TYMS: variants seen among roughly 807,000 people sequenced by gnomAD.
TYMS encodes thymidylate synthase.
A neutral mutation model predicts 39.3 loss-of-function variants in TYMS; 21 were observed. That is an observed-to-expected ratio of 0.54 (90% CI 0.38 to 0.77). TYMS has a LOEUF of 0.77. Ranked by LOEUF, TYMS falls within the 30% of genes least tolerant of loss-of-function variation. The pLI is 0.00. For missense variants in TYMS, 273 were observed against 406.7 expected (o/e 0.67, Z 2.83); for synonymous variants, 171 against 162.2 (o/e 1.05, Z -0.41).
intron 4 of TYMS, chr18:669,601 A>C (rs2074945962): frequency 6.3e-6 from 1 of 159,618 alleles, no homozygotes; most frequent in Non-Finnish European, 1.4e-5. Flanking sequence ...TGAACTCCTG[A>C]CCTCAGATGA....
intron 3 of TYMS, among the ~76,000 whole-genome samples, chr18:667,436 TGATGGTGATGGTGATGGTGATGATGGA>T (rs1567990595): frequency 3.6e-3 from 4 of 1,116 alleles, no homozygotes; most frequent in East Asian, 0.059. Flanking sequence ...ATGGAGATGG[TGATGGTGATGGTGATGGTGATGATGGA>T]GATGGTGATG....
In TYMS at chr18:666,888, G is replaced by GGGAGATGGTGAT. The variant is rs138881427; in HGVS notation, c.455-2169_455-2158dup. ...TTTGTTAGGGATGACGAAAAAGTTC[G>GGGAGATGGTGAT]GGAGATGGTGATGGAGATGGTGATG... On this transcript the variant is annotated intron_variant, in intron 3 of 6. Transcript: ENST00000323274. Among the ~76,000 whole-genome samples, 6 of 91,022 alleles carry GGGAGATGGTGAT rather than the reference G, an allele frequency of 6.6e-5. 2 individuals are homozygous for GGGAGATGGTGAT. Among genetic ancestry groups the GGGAGATGGTGAT allele is most frequent in the East Asian group, 4.6e-4 (1 of 2,164 alleles). 59.7% of individuals were successfully genotyped at this position (91,022 alleles called of 152,430 possible).
chr18:657,658 GCCTGCCTCCGTCCCGCCGCGCC>G lies in TYMS; in HGVS notation c.-84_-63del. The G allele has an allele frequency of 3.0e-6, 1 of 333,028 alleles. No homozygotes were observed. Among genetic ancestry groups the G allele is most frequent in the Non-Finnish European group, 4.2e-6 (1 of 239,960 alleles). 20.6% of individuals were successfully genotyped at this position (333,028 alleles called of 1,614,324 possible). A position where few individuals can be genotyped will look rare whatever the true frequency, so the allele number is the denominator to read the frequency against. On this transcript the variant is annotated 5_prime_UTR_variant, in exon 1 of 7. Transcript: ENST00000323274. ...AGGGGTCCTGCCACCGCGCCACTTGGCCTGCCTCCGTCCCGCCGCGCCACTTGGCCTGCCTCCGTCCCGCCGC... is the reference window on the plus strand; with the variant it reads ...AGGGGTCCTGCCACCGCGCCACTTGGACTTGGCCTGCCTCCGTCCCGCCGC...
At chr18:671,188 G>A (rs2075029696) in intron 5 of TYMS, 192 bp from the exon 6 acceptor site, 1 of 616,474 alleles carries the variant, frequency 1.6e-6, no homozygotes, top group African/African-American at 1.8e-5. Context: ...AGGAGCAATT[G>A]CTTGAGGTCT....
At position 657,713 on chromosome 18, in the gene TYMS, C is replaced by T. The variant is rs868743562; in HGVS notation, c.-30C>T. 1.3e-5 allele frequency: 17 copies of T among 1,311,632 alleles called. No homozygotes were observed. The highest frequency in any genetic ancestry group is 1.7e-5 in the African/African-American group (1 of 59,696). 81.2% of individuals were successfully genotyped at this position (1,311,632 alleles called of 1,614,324 possible). On this transcript the variant is annotated 5_prime_UTR_variant, in exon 1 of 7. Coordinates refer to ENST00000323274, the MANE Select transcript of TYMS (RefSeq NM_001071.4). The stretch of plus-strand genomic sequence containing the variant: ...CTGCCTCCGTCCCGCCGCGCCACTT[C>T]GCCTGCCTCCGTCCCCCGCCCGCCG...
At chr18:671,260 C>A in intron 5 of TYMS, 120 bp from the exon 6 acceptor site, 2 of 759,010 alleles carry the variant, frequency 2.6e-6, no homozygotes, top group Non-Finnish European at 4.6e-6. Flanking sequence ...AATGGAAAAG[C>A]TACACTAAAT....
At chr18:666,932 GT>G (rs1167387699) in intron 3 of TYMS, among the ~76,000 whole-genome samples, 3 of 59,574 alleles carry the variant, frequency 5.0e-5, no homozygotes, top group Non-Finnish European at 1.1e-4. Context: ...GATGGTGATG[GT>G]GATGGAGATG....
At position 672,915 on chromosome 18, in the gene TYMS, A is replaced by C. The variant is rs1328401362; in HGVS notation, c.860A>C (p.Lys287Thr). 16 of 1,599,178 alleles carry C rather than the reference A, an allele frequency of 1.0e-5. No individual in the cohort carries two copies. Among genetic ancestry groups the C allele is most frequent in the Non-Finnish European group, 1.4e-5 (16 of 1,168,370 alleles). Residue 287 changes from lysine (K) to threonine (T), a missense_variant, in exon 7 of 7, where the codon AAA becomes ACA. This residue lies in a region of TYMS where 35 missense variants were observed against 42.4 expected (regional missense o/e 0.83). Transcript: ENST00000323274. Reference protein sequence around the residue: ...PKLRILRKVEKIDDFKAEDFQ... With the variant: ...PKLRILRKVETIDDFKAEDFQ... ...CTCAGGATTCTTCGAAAAGTTGAGAAAATTGATGACTTCAAAGCTGAAGAC... is the reference window on the plus strand; with the variant it reads ...CTCAGGATTCTTCGAAAAGTTGAGACAATTGATGACTTCAAAGCTGAAGAC...
chr18:672,984 A>T lies in TYMS; in HGVS notation c.929A>T (p.Glu310Val), dbSNP rs763389486. The change falls in exon 7 of 7, where the codon GAA (glutamate) becomes GTA (valine). Residue 310 changes from glutamate (E) to valine (V), a missense_variant. Glu to Val is a moderately radical substitution (Grantham distance 121, BLOSUM62 -2). Transcript: ENST00000323274. ...GYNPHPTIKM[E>V]MAV ...AATCCGCATCCAACTATTAAAATGG[A>T]AATGGCTGTTTAGGGTGCTTTCAAA... 1.3e-6 allele frequency: 2 copies of T among 1,568,876 alleles called. No homozygotes were observed. The highest frequency in any genetic ancestry group is 1.7e-6 in the Non-Finnish European group (2 of 1,145,516).
intron 3 of TYMS, among the ~76,000 whole-genome samples, chr18:662,705 C>T (rs1473068560): frequency 6.6e-6 from 1 of 151,688 alleles, no homozygotes; most frequent in African/African-American, 2.4e-5. Flanking sequence ...TGATGTTCCC[C>T]TTCCTGTGTC....
chr18:668,524 C>T (rs1051391759), intron 3 of TYMS, among the ~76,000 whole-genome samples: 4 of 152,228 alleles, frequency 2.6e-5, no homozygotes, highest in Admixed American at 1.3e-4. Context: ...GTGTGTTGAG[C>T]TGCTAAACTC....
At chr18:657,984 A>C in intron 1 of TYMS, 37 bp downstream of exon 1, 1 of 1,509,794 alleles carries the variant, frequency 6.6e-7, no homozygotes, top group South Asian at 1.3e-5. Flanking sequence ...GGTGGCGGGA[A>C]GGAGGGAGGC....
In TYMS at chr18:667,364, AGATGGT is replaced by A. The variant is rs1452151862; in HGVS notation, c.455-1684_455-1679del. Reference sequence around the variant, plus strand: ...GTGATGGAGATGGTGATGGTGATGGAGATGGTGATGGTGATGGTGATGGTGATGGAG... The same window carrying A: ...GTGATGGAGATGGTGATGGTGATGGAGATGGTGATGGTGATGGTGATGGAG... On this transcript the variant is annotated intron_variant, in intron 3 of 6. Coordinates refer to ENST00000323274, the MANE Select transcript of TYMS (RefSeq NM_001071.4). Among the ~76,000 whole-genome samples, 55 of 8,426 alleles carry A rather than the reference AGATGGT, an allele frequency of 6.5e-3. 9 individuals are homozygous for A. The highest frequency in any genetic ancestry group is 9.1e-3 in the Non-Finnish European group (47 of 5,176). 5.5% of individuals were successfully genotyped at this position (8,426 alleles called of 152,430 possible).
rs1187173884 is a variant in TYMS, at chr18:657,907, C to G, written c.165C>G (p.Thr55=). The G allele has an allele frequency of 1.3e-6, 2 of 1,512,488 alleles. No individual in the cohort carries two copies. The highest frequency in any genetic ancestry group is 1.8e-6 in the Non-Finnish European group (2 of 1,136,604). 93.7% of individuals were successfully genotyped at this position (1,512,488 alleles called of 1,614,324 possible). The change falls in exon 1 of 7, where the codon ACC becomes ACG. Residue 55 remains threonine (T), a synonymous_variant. Coordinates refer to ENST00000323274, the MANE Select transcript of TYMS (RefSeq NM_001071.4). The part of the protein sequence containing the change: ...VRKDDRTGTG[T]LSVFGMQARY... ...AGGACGACCGCACGGGCACCGGCAC[C>G]CTGTCGGTATTCGGCATGCAGGCGC...
chr18:667,680 A>T (rs2074885475), intron 3 of TYMS: 1 of 152,212 alleles, frequency 6.6e-6, no homozygotes, highest in South Asian at 2.1e-4. Flanking sequence ...GCACACAAAA[A>T]TGGCAAGTTT....
chr18:658,131 A>C lies in TYMS; in HGVS notation c.205+184A>C, dbSNP rs748975926. 5.9e-5 allele frequency: 94 copies of C among 1,587,012 alleles called. No homozygotes were observed. The highest frequency in any genetic ancestry group is 7.8e-5 in the Non-Finnish European group (91 of 1,170,090). ...AACGGAGGGTCCCATTAGGGACGTG[A>C]CTGGCGCGGGCAACACACACAGCAG... On this transcript the variant is annotated intron_variant, in intron 1 of 6. Coordinates refer to ENST00000323274, the MANE Select transcript of TYMS (RefSeq NM_001071.4). This position sits in a 1 kb window ranked among gnomAD's most constrained non-coding sequence, Gnocchi z 4.5.
chr18:672,950 G>A lies in TYMS; in HGVS notation c.895G>A (p.Glu299Lys), dbSNP rs765591852. 5.6e-6 allele frequency: 9 copies of A among 1,595,986 alleles called. No homozygotes were observed. The highest frequency in any genetic ancestry group is 1.7e-5 in the Admixed American group (1 of 59,880). ...CTTCAAAGCTGAAGACTTTCAGATT[G>A]AAGGGTACAATCCGCATCCAACTAT... ...DDFKAEDFQI[E>K]GYNPHPTIKM... Residue 299 changes from glutamate (E) to lysine (K), a missense_variant, in exon 7 of 7, where the codon GAA (glutamate) becomes AAA (lysine). Physicochemically the swap from Glu to Lys is moderately conservative, Grantham distance 56 (BLOSUM62 1). Around this residue, in one of 3 missense-constraint regions of TYMS, gnomAD observed 35 missense variants for 42.4 expected, o/e 0.83. Coordinates refer to ENST00000323274, the MANE Select transcript of TYMS (RefSeq NM_001071.4).
At chr18:667,617 G>GGTGATGGTGATGGTGATGGTGATGGTGAT (rs201838394) in intron 3 of TYMS, 1 of 46,616 alleles carries the variant, frequency 2.1e-5, no homozygotes, top group Non-Finnish European at 4.3e-5. Context: ...TGATGGAGAT[G>GGTGATGGTGATGGTGATGGTGATGGTGAT]GGTGATGGTG....
rs1054515792 is a variant in TYMS at position 658,221 on chromosome 18, T to C, written c.205+274T>C. 1.2e-5 allele frequency: 18 copies of C among 1,514,320 alleles called. No homozygotes were observed. The highest frequency in any genetic ancestry group is 2.8e-5 in the African/African-American group (2 of 72,336). 93.8% of individuals were successfully genotyped at this position (1,514,320 alleles called of 1,614,324 possible). ...GCCGGGCTCGCAGTCGCCCCAGTGA[T>C]GCCGTGGCCCCCGAGGCGGGCGTCA... On this transcript the variant is annotated intron_variant, in intron 1 of 6. Transcript: ENST00000323274. This position sits in a 1 kb window ranked among gnomAD's most constrained non-coding sequence, Gnocchi z 4.5.
Sources: gnomAD v4.1 joint callset for allele counts (sites outside exome capture counted in the v4.1 genomes callset) on GRCh38, gnomAD v4.1.1 for gene constraint, gnomAD v4.1.1 regional missense constraint, Gnocchi (gnomAD v3.1) non-coding constraint, MANE v1.5 for transcripts, NCBI Gene and HGNC (gene_info 2026-07-23, HGNC 2026-07-21) for gene names.